DDX27: variants seen among roughly 807,000 people sequenced by gnomAD.
The protein encoded by DDX27 is probable ATP-dependent RNA helicase DDX27.
A neutral mutation model predicts 99.3 loss-of-function variants in DDX27; 42 were observed. That is an observed-to-expected ratio of 0.42 (90% CI 0.33 to 0.55). The LOEUF is 0.55. Ranked by LOEUF, DDX27 falls within the 20% of genes least tolerant of loss-of-function variation. The probability of loss-of-function intolerance (pLI) is 0.07; values close to 1 mark genes in which losing one functional copy is unlikely to be tolerated. For missense variants in DDX27, 798 were observed against 976.8 expected, an observed-to-expected ratio of 0.82 and a Z score of 2.44; for synonymous variants, 329 against 353.8, an observed-to-expected ratio of 0.93 and a Z score of 0.79.
intron 1 of DDX27, among the ~76,000 whole-genome samples, chr20:49,220,847 AAAAAACTCTCC>A (rs1038171661): frequency 6.6e-6 from 1 of 150,798 alleles, no homozygotes; most frequent in Non-Finnish European, 1.5e-5. Context: ...AACAAAACAA[AAAAAACTCTCC>A]AGCCTGCTTT....
At chr20:49,220,984 CAG>C (rs779088575) in intron 1 of DDX27, among the ~76,000 whole-genome samples, 210 of 152,142 alleles carry the variant, frequency 1.4e-3, no homozygotes, top group Non-Finnish European at 2.1e-3. Context: ...TTTTTTAAGA[CAG>C]AGTCTTGCTC....
chr20:49,238,878 G>T, intron 14 of DDX27, 71 bp from the exon 15 acceptor site: 1 of 1,127,116 alleles, frequency 8.9e-7, no homozygotes. Context: ...CCAGAGTGCC[G>T]GGTTACAGGT....
rs908366414 is a variant in DDX27 at position 49,236,723 on chromosome 20, A to G, written c.1687+213A>G. The stretch of plus-strand genomic sequence containing the variant: ...GGAATTATGACAGAATTGTAAACAC[A>G]GTGCCCCATTTAGGTGGAAATTGAG... On this transcript the variant is annotated intron_variant, in intron 14 of 20. Coordinates refer to ENST00000618172, the MANE Select transcript of DDX27 (RefSeq NM_017895.8). The surrounding 1 kb of genome is among the most constrained non-coding windows in gnomAD (Gnocchi z 4.1). Among the ~76,000 whole-genome samples the G allele has an allele frequency of 5.9e-5, 9 of 152,190 alleles. No homozygotes were observed. The highest frequency in any genetic ancestry group is 2.2e-4 in the African/African-American group (9 of 41,444).
At chr20:49,239,829 A>G (rs963811979) in intron 16 of DDX27, among the ~76,000 whole-genome samples, 7 of 152,244 alleles carry the variant, frequency 4.6e-5, no homozygotes, top group Non-Finnish European at 8.8e-5. Context: ...GTTCATCAAC[A>G]AGTGAATGGA....
chr20:49,220,229 C>T (rs773920061), intron 1 of DDX27, among the ~76,000 whole-genome samples: 2 of 152,080 alleles, frequency 1.3e-5, no homozygotes, highest in African/African-American at 4.8e-5. Flanking sequence ...AGCCAGAAAC[C>T]TTAGAGTTAT....
rs1377920552 is a variant in DDX27 at position 49,239,330 on chromosome 20, A to G, written c.1889A>G (p.Lys630Arg). Residue 630 changes from lysine to arginine, a missense_variant, in exon 16 of 21, where the codon AAG (lysine) becomes AGG (arginine). Around this residue, in one of 2 missense-constraint regions of DDX27, gnomAD observed 553 missense variants for 727.9 expected, o/e 0.76. Coordinates refer to ENST00000618172, the MANE Select transcript of DDX27 (RefSeq NM_017895.8). ...SWFQTKEERK[K>R]EKIAKALQEF... ...TTCCAGACCAAAGAAGAGAGGAAGAAGGAGAAAAGTAAGTCAGGGAGGTTC... is the reference window on the plus strand; with the variant it reads ...TTCCAGACCAAAGAAGAGAGGAAGAGGGAGAAAAGTAAGTCAGGGAGGTTC... The G allele has an allele frequency of 3.1e-6, 5 of 1,609,852 alleles. No individual in the cohort carries two copies. The highest frequency in any genetic ancestry group is 3.4e-6 in the Non-Finnish European group (4 of 1,177,456).
chr20:49,229,796 C>T (rs1199843451), intron 8 of DDX27, among the ~76,000 whole-genome samples: 3 of 152,064 alleles, frequency 2.0e-5, no homozygotes, highest in African/African-American at 7.2e-5. Context: ...TAGGTGTGCA[C>T]CACCATGCAC....
In DDX27 at chr20:49,222,996, C is replaced by T; in HGVS notation, c.280C>T (p.Arg94Ter). 8 of 1,612,726 alleles carry T rather than the reference C, an allele frequency of 5.0e-6. No individual in the cohort carries two copies. The highest frequency in any genetic ancestry group is 1.1e-5 in the South Asian group (1 of 90,840). Residue 94 changes from arginine (R) to a stop codon, truncating the protein, a stop_gained, in exon 3 of 21, where the codon CGA (arginine) becomes TGA (stop). Coordinates refer to ENST00000618172, the MANE Select transcript of DDX27 (RefSeq NM_017895.8). LOFTEE classifies it high-confidence loss of function. ...ATTAGATGAGAAGATTGAGAAAGTT[C>T]GAAAGAAAAGGAAAACAGAGGTGAG... ...TTLDEKIEKV[R>*]KKRKTEDKEA...
intron 7 of DDX27, among the ~76,000 whole-genome samples, chr20:49,227,429 C>T (rs1420155778): frequency 1.3e-5 from 2 of 151,878 alleles, no homozygotes; most frequent in East Asian, 2.0e-4. Flanking sequence ...TGCGGTGGCG[C>T]AATCTCGGCT....
intron 4 of DDX27, among the ~76,000 whole-genome samples, chr20:49,224,065 C>T (rs948772906): frequency 7.3e-5 from 11 of 151,002 alleles, no homozygotes; most frequent in Middle Eastern, 3.4e-3. Flanking sequence ...TTTGTAGGGA[C>T]GGGGTCTTGC....
At position 49,233,380 on chromosome 20, in the gene DDX27, T is replaced by C. The variant is rs1265375121; in HGVS notation, c.1106T>C (p.Leu369Pro). The C allele has an allele frequency of 6.2e-7, 1 of 1,614,000 alleles. No individual in the cohort carries two copies. Among genetic ancestry groups the C allele is most frequent in the South Asian group, 1.1e-5 (1 of 91,078 alleles). The change falls in exon 10 of 21, where the codon CTC becomes CCC. Residue 369 changes from leucine to proline, a missense_variant. By Grantham distance (98) the Leu-to-Pro change is moderately conservative (BLOSUM62 -3). Coordinates refer to ENST00000618172, the MANE Select transcript of DDX27 (RefSeq NM_017895.8). ...RMCSHHRQTM[L>P]FSATMTDEVK... ...TGTTCCCACCACCGCCAGACCATGCTCTTCTCGGCCACCATGACAGACGAG... is the reference window on the plus strand; with the variant it reads ...TGTTCCCACCACCGCCAGACCATGCCCTTCTCGGCCACCATGACAGACGAG...
At chr20:49,230,402 C>A (rs1378990670) in intron 9 of DDX27, 53 bp downstream of exon 9, 63 of 1,561,940 alleles carry the variant, frequency 4.0e-5, no homozygotes, top group Non-Finnish European at 4.7e-5. Flanking sequence ...AGGCCCAGAA[C>A]CTGGATGTGG....
chr20:49,233,019 G>A (rs981394511), intron 9 of DDX27, among the ~76,000 whole-genome samples: 13 of 152,060 alleles, frequency 8.5e-5, no homozygotes, highest in African/African-American at 2.9e-4. Context: ...TGAAAGTCTT[G>A]GGTGTGTTGA....
chr20:49,228,660 A>C (rs1979985624), intron 7 of DDX27, 55 bp from the exon 8 acceptor site: 1 of 1,494,716 alleles, frequency 6.7e-7, no homozygotes, highest in South Asian at 1.3e-5. Flanking sequence ...TGAAAACCTA[A>C]CCCTGGAGGG....
intron 17 of DDX27, 22 bp from the exon 18 acceptor site, chr20:49,242,061 C>G (rs778769570): frequency 6.2e-7 from 1 of 1,614,178 alleles, no homozygotes; most frequent in African/African-American, 1.3e-5. Context: ...GTTCCACACT[C>G]ACACCTCCCC....
intron 7 of DDX27, 58 bp from the exon 8 acceptor site, chr20:49,228,657 C>T: frequency 6.8e-7 from 1 of 1,468,906 alleles, no homozygotes; most frequent in Non-Finnish European, 9.1e-7. Flanking sequence ...TGGTGAAAAC[C>T]TAACCCTGGA....
At chr20:49,232,732 C>T (rs556405616) in intron 9 of DDX27, 130 of 135,172 alleles carry the variant, frequency 9.6e-4, no homozygotes, top group Non-Finnish European at 1.6e-3. Flanking sequence ...CCACTGCACT[C>T]CATCCTGGGC....
At chr20:49,226,722 G>T (rs1275230426) in intron 7 of DDX27, among the ~76,000 whole-genome samples, 187 bp downstream of exon 7, 1 of 151,948 alleles carries the variant, frequency 6.6e-6, no homozygotes, top group African/African-American at 2.4e-5. Flanking sequence ...GAATTCCTAG[G>T]TTCAGGTTCA....
In DDX27 at chr20:49,224,999, TG is replaced by T; in HGVS notation, c.513+12del. 1.2e-6 allele frequency: 2 copies of T among 1,614,148 alleles called. No homozygotes were observed. Among genetic ancestry groups the T allele is most frequent in the Admixed American group, 3.3e-5 (2 of 60,016 alleles). On this transcript the variant is annotated intron_variant, in intron 5 of 20. Coordinates refer to ENST00000618172, the MANE Select transcript of DDX27 (RefSeq NM_017895.8). ...AAGAAGAAGAAAGGACAGGTGAGCT[TG>T]GGGCTGCAAGACAGTATGCAGCTTG...
Sources: gnomAD v4.1 joint callset for allele counts (sites outside exome capture counted in the v4.1 genomes callset) on GRCh38, gnomAD v4.1.1 for gene constraint, gnomAD v4.1.1 regional missense constraint, Gnocchi (gnomAD v3.1) non-coding constraint, MANE v1.5 for transcripts, NCBI Gene and HGNC (gene_info 2026-07-23, HGNC 2026-07-21) for gene names.